The following NXPE2 variants were observed in gnomAD, a reference collection of about 807,000 sequenced individuals.
NXPE2 encodes neurexophilin and PC-esterase domain family member 2.
A neutral mutation model predicts 34.4 loss-of-function variants in NXPE2; 34 were observed. The ratio of observed to expected loss-of-function variants is 0.99; its 90% CI spans 0.75 to 1.31. NXPE2 has a LOEUF of 1.31. NXPE2 is among the 40% of genes most tolerant of loss of function. NXPE2 has a pLI of 0.00. For missense variants in NXPE2, 649 were observed against 672.5 expected (o/e 0.97, Z 0.39); for synonymous variants, 235 against 231.3 (o/e 1.02, Z -0.15).
At chr11:114,629,388 T>C in the NXPE2 span, among the ~76,000 whole-genome samples, 2 of 151,936 alleles carry the variant, frequency 1.3e-5, no homozygotes, top group East Asian at 1.9e-4. Context: ...ATAAATGTAA[T>C]CCAGCATATA....
At chr11:114,587,171 CT>C in the NXPE2 span, among the ~76,000 whole-genome samples, 1 of 152,138 alleles carries the variant, frequency 6.6e-6, no homozygotes. Context: ...AACAAGAAAA[CT>C]CTGTCTTCAA....
At chr11:114,600,830 G>A in the NXPE2 span, among the ~76,000 whole-genome samples, 1 of 152,032 alleles carries the variant, frequency 6.6e-6, no homozygotes, top group African/African-American at 2.4e-5. Context: ...AAGGATATAT[G>A]AGAATCCTCT....
At chr11:114,780,578 A>G in the NXPE2 span, among the ~76,000 whole-genome samples, 1 of 152,236 alleles carries the variant, frequency 6.6e-6, no homozygotes, top group Admixed American at 6.5e-5. Context: ...GGATGAAGGC[A>G]GAGTTCCAGC....
At chr11:114,504,067 TC>T in the NXPE2 span, among the ~76,000 whole-genome samples, 1 of 152,070 alleles carries the variant, frequency 6.6e-6, no homozygotes, top group African/African-American at 2.4e-5. Context: ...CCTGCAAGTT[TC>T]CCCCCTATAC....
At chr11:114,529,350 C>G in the NXPE2 span, 1 of 152,464 alleles carries the variant, frequency 6.6e-6, no homozygotes, top group East Asian at 1.9e-4. Flanking sequence ...TTTGTGATAA[C>G]AGATAGTTAT....
At chr11:114,505,410 A>C in the NXPE2 span, among the ~76,000 whole-genome samples, 1 of 152,160 alleles carries the variant, frequency 6.6e-6, no homozygotes, top group Non-Finnish European at 1.5e-5. Flanking sequence ...GATTATCCCC[A>C]AGACATATGA....
At chr11:114,489,549 C>T in the NXPE2 span, among the ~76,000 whole-genome samples, 3 of 152,134 alleles carry the variant, frequency 2.0e-5, no homozygotes, top group African/African-American at 7.2e-5. Context: ...AAGGCTGGTT[C>T]AACATATGCA....
chr11:114,738,727 A>AAAAAG, the NXPE2 span, among the ~76,000 whole-genome samples: 1 of 152,290 alleles, frequency 6.6e-6, no homozygotes, highest in Admixed American at 6.5e-5. Flanking sequence ...CACTGTGCAT[A>AAAAAG]CCACCTGATG....
At chr11:114,488,730 G>A in the NXPE2 span, among the ~76,000 whole-genome samples, 1 of 152,152 alleles carries the variant, frequency 6.6e-6, no homozygotes, top group South Asian at 2.1e-4. Flanking sequence ...GAAATTTATA[G>A]CACTAAATGC....
At chr11:114,783,024 T>C in the NXPE2 span, among the ~76,000 whole-genome samples, 1 of 152,344 alleles carries the variant, frequency 6.6e-6, no homozygotes, top group African/African-American at 2.4e-5. Flanking sequence ...TCACCAGAGA[T>C]TGCAATTAAG....
At chr11:114,536,647 T>G in the NXPE2 span, among the ~76,000 whole-genome samples, 1 of 152,130 alleles carries the variant, frequency 6.6e-6, no homozygotes, top group Non-Finnish European at 1.5e-5. Context: ...GAGAATACTA[T>G]AAGCACCTCT....
chr11:114,713,515 A>C, the NXPE2 span, among the ~76,000 whole-genome samples: 1 of 152,326 alleles, frequency 6.6e-6, no homozygotes, highest in South Asian at 2.1e-4. Context: ...ACCTGAGTAT[A>C]TGAAAAGTTG....
intron 2 of NXPE2, among the ~76,000 whole-genome samples, chr11:114,693,318 G>A (rs1259503788): frequency 6.6e-6 from 1 of 152,224 alleles, no homozygotes; most frequent in African/African-American, 2.4e-5. Flanking sequence ...TAGGGAGACT[G>A]TGGAAAAGAT....
chr11:114,622,736 C>T, the NXPE2 span, among the ~76,000 whole-genome samples: 2 of 151,514 alleles, frequency 1.3e-5, no homozygotes, highest in Admixed American at 1.3e-4. Flanking sequence ...TCGTGTGTAA[C>T]CACTGTTACC....
At chr11:114,672,133 G>A in the NXPE2 span, among the ~76,000 whole-genome samples, 10 of 151,860 alleles carry the variant, frequency 6.6e-5, no homozygotes, top group Admixed American at 6.6e-4. Flanking sequence ...CAGCAAGGGG[G>A]AAGTCCACCC....
At chr11:114,678,918 T>C (rs1591423612) in intron 1 of NXPE2, among the ~76,000 whole-genome samples, 1 of 150,282 alleles carries the variant, frequency 6.7e-6, no homozygotes, top group African/African-American at 2.4e-5. Context: ...ATGTTTTTTT[T>C]CTGGGGTGGG....
the NXPE2 span, among the ~76,000 whole-genome samples, chr11:114,489,130 A>G: frequency 6.6e-6 from 1 of 152,188 alleles, no homozygotes; most frequent in African/African-American, 2.4e-5. Context: ...AAATTCCTCG[A>G]CACATACACC....
chr11:114,702,827 T>G (rs182938437), intron 3 of NXPE2, among the ~76,000 whole-genome samples: 101 of 152,212 alleles, frequency 6.6e-4, no homozygotes, highest in African/African-American at 2.4e-3. Context: ...CTGGCCTTCT[T>G]GATGAAGGGG....
the NXPE2 span, among the ~76,000 whole-genome samples, chr11:114,656,858 C>T: frequency 2.6e-5 from 4 of 152,000 alleles, no homozygotes; most frequent in Admixed American, 6.6e-5. Flanking sequence ...TTTGGGAGGC[C>T]GAGATGGGCA....
Sources: allele counts gnomAD v4.1 joint callset (sites outside exome capture counted in the v4.1 genomes callset), GRCh38; gene constraint gnomAD v4.1.1; transcripts MANE v1.5; gene names NCBI Gene and HGNC (gene_info 2026-07-23, HGNC 2026-07-21).